The following RAP1GAP2 variants were observed in gnomAD, a reference collection of about 807,000 sequenced individuals.
The protein encoded by RAP1GAP2 is RAP1 GTPase activating protein 2, also known as rap1 GTPase-activating protein 2.
A neutral mutation model predicts 95.0 loss-of-function variants in RAP1GAP2; 27 were observed. The ratio of observed to expected loss-of-function variants is 0.28; its 90% CI spans 0.21 to 0.39. The LOEUF (loss-of-function observed/expected upper bound fraction) is 0.39, where lower values mean the gene tolerates loss of function less well. Among genes scored for constraint, RAP1GAP2 ranks in the 10% least tolerant of loss-of-function variants. The pLI, the probability that RAP1GAP2 is intolerant of heterozygous loss-of-function variation, is 1.00. For missense variants in RAP1GAP2, 771 were observed against 970.0 expected (o/e 0.79, Z 2.72); for synonymous variants, 373 against 380.9 (o/e 0.98, Z 0.24).
intron 2 of RAP1GAP2, among the ~76,000 whole-genome samples, chr17:2,826,376 G>T (rs1342007854): frequency 6.6e-6 from 1 of 151,806 alleles, no homozygotes; most frequent in Admixed American, 6.6e-5. Context: ...TGTTTGAGAA[G>T]CGGTGAGCCA....
At chr17:2,756,259 G>A (rs1218906036) in intron 1 of RAP1GAP2, among the ~76,000 whole-genome samples, 2 of 152,254 alleles carry the variant, frequency 1.3e-5, no homozygotes, top group South Asian at 2.1e-4. Context: ...GAGCCCCTGG[G>A]GGTGTGCACT....
chr17:2,979,541 AC>A (rs1469280637), intron 8 of RAP1GAP2, among the ~76,000 whole-genome samples: 1 of 135,564 alleles, frequency 7.4e-6, no homozygotes, highest in Non-Finnish European at 1.5e-5. Context: ...ATCTCGGCTC[AC>A]TGCAACCCCC....
At chr17:2,980,634 G>A (rs2045321671) in intron 9 of RAP1GAP2, among the ~76,000 whole-genome samples, 1 of 152,182 alleles carries the variant, frequency 6.6e-6, no homozygotes, top group Non-Finnish European at 1.5e-5. Flanking sequence ...GTAGTTCACA[G>A]CTAGTTTGGG....
chr17:2,897,532 G>C (rs896634884), intron 2 of RAP1GAP2, among the ~76,000 whole-genome samples: 1 of 151,526 alleles, frequency 6.6e-6, no homozygotes, highest in Non-Finnish European at 1.5e-5. Flanking sequence ...GCTAATTTTT[G>C]TATTTTGAGT....
At chr17:2,885,483 C>T (rs1041626901) in intron 2 of RAP1GAP2, among the ~76,000 whole-genome samples, 3 of 152,198 alleles carry the variant, frequency 2.0e-5, no homozygotes, top group Non-Finnish European at 2.9e-5. Flanking sequence ...GAGGCTAGAT[C>T]GGTGGGCTTG....
In RAP1GAP2 at chr17:2,837,416, A is replaced by C. The variant is rs2071181348; in HGVS notation, c.80+36866A>C. On this transcript the variant is annotated intron_variant, in intron 2 of 24. Transcript: ENST00000254695. ...GTGCTCCCCAGGGGAGCATCAAGGTACTGTCAGCTAGAGGAAGGGGCCTGG... is the reference window on the plus strand; with the variant it reads ...GTGCTCCCCAGGGGAGCATCAAGGTCCTGTCAGCTAGAGGAAGGGGCCTGG... Among the ~76,000 whole-genome samples, 3 of 151,908 alleles carry C rather than the reference A, an allele frequency of 2.0e-5. No homozygotes were observed. The South Asian group carries it at 6.2e-4, about 32-fold the overall frequency.
intron 2 of RAP1GAP2, among the ~76,000 whole-genome samples, chr17:2,897,767 G>A (rs2041887204): frequency 6.6e-6 from 1 of 152,122 alleles, no homozygotes; most frequent in Admixed American, 6.6e-5. Flanking sequence ...GGTTTGGGCG[G>A]TTCCCTCGGC....
chr17:3,010,780 A>G (rs1288030688), intron 17 of RAP1GAP2, among the ~76,000 whole-genome samples: 2 of 152,150 alleles, frequency 1.3e-5, no homozygotes, highest in African/African-American at 4.8e-5. Context: ...AAACCCTGCA[A>G]CTGTAGGTTG....
At chr17:2,858,513 C>G (rs1221563852) in intron 2 of RAP1GAP2, among the ~76,000 whole-genome samples, 1 of 152,164 alleles carries the variant, frequency 6.6e-6, no homozygotes, top group Non-Finnish European at 1.5e-5. Context: ...AATCTTGTTT[C>G]ATTTATGTAC....
intron 2 of RAP1GAP2, among the ~76,000 whole-genome samples, chr17:2,897,005 C>A (rs1405571669): frequency 6.6e-6 from 1 of 152,182 alleles, no homozygotes; most frequent in East Asian, 1.9e-4. Flanking sequence ...ACCCTCTCCC[C>A]CTTCTGTCCC....
chr17:2,757,043 T>C (rs756229414), intron 1 of RAP1GAP2, among the ~76,000 whole-genome samples: 1 of 152,232 alleles, frequency 6.6e-6, no homozygotes, highest in African/African-American at 2.4e-5. Context: ...TTTCCAAGTA[T>C]ATTAGTTAGC....
intron 1 of RAP1GAP2, among the ~76,000 whole-genome samples, chr17:2,768,083 G>A (rs2068311369): frequency 1.3e-5 from 2 of 152,202 alleles, no homozygotes; most frequent in East Asian, 1.9e-4. Context: ...GCTCCCTACT[G>A]AAGGGTGCAT....
chr17:2,778,724 C>T (rs2068566745), intron 1 of RAP1GAP2, among the ~76,000 whole-genome samples: 1 of 152,208 alleles, frequency 6.6e-6, no homozygotes, highest in South Asian at 2.1e-4. Flanking sequence ...CACCTGCATT[C>T]CCCTCAATGG....
chr17:2,785,135 C>A (rs1046166064), intron 1 of RAP1GAP2, among the ~76,000 whole-genome samples: 1 of 152,162 alleles, frequency 6.6e-6, no homozygotes, highest in Non-Finnish European at 1.5e-5. Flanking sequence ...CTGAGCAGAG[C>A]GTTGGCAGGG....
Position 2,994,997 on chromosome 17 carries a change from A to T in RAP1GAP2, c.915-340A>T, listed in dbSNP as rs567971268. ...TCTGGCTAACTTTTGTATTTTTAGTAGAGACGGGGGTTTCACCATGTTGGC... is the reference window on the plus strand; with the variant it reads ...TCTGGCTAACTTTTGTATTTTTAGTTGAGACGGGGGTTTCACCATGTTGGC... On this transcript the variant is annotated intron_variant, in intron 12 of 24. Coordinates refer to ENST00000254695, the MANE Select transcript of RAP1GAP2 (RefSeq NM_015085.5). Among the ~76,000 whole-genome samples, 7 of 152,282 alleles carry T rather than the reference A, an allele frequency of 4.6e-5. No homozygotes were observed. In the South Asian group the frequency reaches 1.2e-3, roughly 27 times the overall value.
intron 2 of RAP1GAP2, among the ~76,000 whole-genome samples, chr17:2,890,715 T>C (rs1333853846): frequency 7.9e-5 from 12 of 151,260 alleles, no homozygotes; most frequent in Admixed American, 3.3e-4. Context: ...GACAGAGTCT[T>C]GCTCTGTCAC....
At position 2,974,116 on chromosome 17, in the gene RAP1GAP2, C is replaced by T. The variant is rs145420588; in HGVS notation, c.597-6171C>T. 0.019 allele frequency among the ~76,000 whole-genome samples: 2,837 copies of T among 150,364 alleles called. 164 individuals carry two copies. The East Asian group carries it at 0.2, about 11-fold the overall frequency. On this transcript the variant is annotated intron_variant, in intron 8 of 24. Transcript: ENST00000254695. ...CAGCACCTTGGGAGGCCAAGGCGGG[C>T]GGATCACGAGGTCAGGAGATCGAGA...
At chr17:2,821,094 C>A (rs999535353) in intron 2 of RAP1GAP2, among the ~76,000 whole-genome samples, 2 of 151,788 alleles carry the variant, frequency 1.3e-5, no homozygotes, top group Admixed American at 6.6e-5. Context: ...GCTTGGAAAC[C>A]CTCATGGCTC....
intron 2 of RAP1GAP2, among the ~76,000 whole-genome samples, chr17:2,821,020 C>G (rs148861022): frequency 0.031 from 4,739 of 151,460 alleles, 173 homozygotes; most frequent in East Asian, 0.15. Flanking sequence ...CAGGCATGAG[C>G]CACCGCGTCC....
Sources: gnomAD v4.1 joint callset for allele counts (sites outside exome capture counted in the v4.1 genomes callset) on GRCh38, gnomAD v4.1.1 for gene constraint, MANE v1.5 for transcripts, NCBI Gene and HGNC (gene_info 2026-07-23, HGNC 2026-07-21) for gene names.